LGSN: variants seen among roughly 807,000 people sequenced by gnomAD.
LGSN encodes the protein lengsin, lens protein with glutamine synthetase domain, also known as lengsin.
In LGSN, 21 loss-of-function variants were observed where a neutral mutation model predicts 19.5. The observed-to-expected ratio is 1.07, with a 90% confidence interval of 0.76 to 1.55. The LOEUF (loss-of-function observed/expected upper bound fraction) is 1.55, where lower values mean the gene tolerates loss of function less well. LGSN is among the 40% of genes most tolerant of loss of function. The probability of loss-of-function intolerance (pLI) is 0.00; values close to 1 mark genes in which losing one functional copy is unlikely to be tolerated. For synonymous variants in LGSN, 257 were observed against 215.6 expected, an observed-to-expected ratio of 1.19 and a Z score of -1.68; for missense variants, 673 against 608.5, an observed-to-expected ratio of 1.11 and a Z score of -1.12.
At chr6:63,501,643 C>G in the LGSN span, among the ~76,000 whole-genome samples, 1 of 151,664 alleles carries the variant, frequency 6.6e-6, no homozygotes, top group Non-Finnish European at 1.5e-5. Flanking sequence ...CCATTATTTG[C>G]AGCTAAAAGC....
the LGSN span, among the ~76,000 whole-genome samples, chr6:63,434,604 CA>C: frequency 0.17 from 11,015 of 63,004 alleles, 782 homozygotes; most frequent in African/African-American, 0.34. Flanking sequence ...ACTAAAAATT[CA>C]AAAAAAAAAA....
the LGSN span, among the ~76,000 whole-genome samples, chr6:63,482,949 C>G: frequency 3.0e-4 from 46 of 152,296 alleles, no homozygotes; most frequent in African/African-American, 1.1e-3. Context: ...GATCTGCCCA[C>G]GTTGGCCTCC....
At chr6:63,326,539 C>T in the LGSN span, among the ~76,000 whole-genome samples, 1 of 152,286 alleles carries the variant, frequency 6.6e-6, no homozygotes, top group South Asian at 2.1e-4. Flanking sequence ...CACAGGAGCC[C>T]ACGGAGGAGG....
At chr6:63,419,880 CAAAAA>C in the LGSN span, among the ~76,000 whole-genome samples, 33 of 57,316 alleles carry the variant, frequency 5.8e-4, no homozygotes, top group Non-Finnish European at 7.3e-4. Context: ...AACTCCCTCC[CAAAAA>C]AAAAAAAAAA....
the LGSN span, among the ~76,000 whole-genome samples, chr6:63,376,191 C>A: frequency 1.3e-5 from 2 of 152,140 alleles, no homozygotes; most frequent in African/African-American, 4.8e-5. Flanking sequence ...TTTTGTCTCT[C>A]TAACCATTCC....
Position 63,295,002 on chromosome 6 carries a change from A to C in LGSN, c.74T>G (p.Met25Arg), listed in dbSNP as rs778693440. Residue 25 changes from methionine (M) to arginine (R), a missense_variant, in exon 2 of 4, where the codon ATG becomes AGG. Physicochemically the swap from Met to Arg is moderately conservative, Grantham distance 91. Transcript: ENST00000370657. Reference protein sequence around the residue: ...DEGNETEANSMNTLRRTRKKV... With the variant: ...DEGNETEANSRNTLRRTRKKV... ...CTTCCTTGTCCTTCTTAATGTGTTC[A>C]TGCTGTTGGCTTCAGTCTCATTGCC... The C allele has an allele frequency of 9.9e-6, 16 of 1,613,556 alleles. No individual in the cohort carries two copies. In the Admixed American group the frequency reaches 2.7e-4, roughly 27 times the overall value.
chr6:63,550,705 G>A, the LGSN span, among the ~76,000 whole-genome samples: 1 of 149,926 alleles, frequency 6.7e-6, no homozygotes, highest in Non-Finnish European at 1.5e-5. Context: ...GCTCACTGCA[G>A]GCTTCACCTC....
chr6:63,478,071 A>G, the LGSN span, among the ~76,000 whole-genome samples: 1 of 152,102 alleles, frequency 6.6e-6, no homozygotes, highest in Non-Finnish European at 1.5e-5. Flanking sequence ...AAGGGAAAAA[A>G]CAAAATAAAA....
the LGSN span, among the ~76,000 whole-genome samples, chr6:63,393,185 C>T: frequency 3.6e-5 from 5 of 138,592 alleles, no homozygotes; most frequent in East Asian, 1.1e-3. Context: ...CGCGCCCAGC[C>T]AAGATGGAGT....
chr6:63,333,947 A>G, the LGSN span, among the ~76,000 whole-genome samples: 1 of 152,222 alleles, frequency 6.6e-6, no homozygotes, highest in African/African-American at 2.4e-5. Context: ...AAAGCTCTCA[A>G]AAAACTTGGT....
the LGSN span, chr6:63,441,314 G>A: frequency 2.1e-6 from 1 of 469,220 alleles, no homozygotes; most frequent in Non-Finnish European, 4.3e-6. Flanking sequence ...CAGCAGACTT[G>A]GGCCGTTTGG....
At chr6:63,446,746 T>C in the LGSN span, among the ~76,000 whole-genome samples, 1 of 152,082 alleles carries the variant, frequency 6.6e-6, no homozygotes, top group Admixed American at 6.6e-5. Context: ...AAAAATACAG[T>C]ATAGTTGAAA....
chr6:63,503,221 C>T, the LGSN span, among the ~76,000 whole-genome samples: 1 of 152,122 alleles, frequency 6.6e-6, no homozygotes. Flanking sequence ...CTATAAAGTC[C>T]ATTTTTCTTT....
the LGSN span, among the ~76,000 whole-genome samples, chr6:63,469,096 A>G: frequency 5.3e-5 from 8 of 152,126 alleles, no homozygotes; most frequent in African/African-American, 1.9e-4. Context: ...CATATTTTAT[A>G]CATGTTATAT....
At chr6:63,413,845 TAA>T in the LGSN span, among the ~76,000 whole-genome samples, 1 of 152,334 alleles carries the variant, frequency 6.6e-6, no homozygotes, top group East Asian at 1.9e-4. Context: ...GATTATCCTT[TAA>T]AGTTAGTAAT....
chr6:63,468,785 A>G, the LGSN span, among the ~76,000 whole-genome samples: 25 of 149,384 alleles, frequency 1.7e-4, no homozygotes, highest in South Asian at 5.3e-3. Flanking sequence ...GTCTCGCTCT[A>G]TTGTCCAGGC....
At chr6:63,502,167 AG>A in the LGSN span, among the ~76,000 whole-genome samples, 1 of 152,210 alleles carries the variant, frequency 6.6e-6, no homozygotes, top group African/African-American at 2.4e-5. Flanking sequence ...CATCAGATTC[AG>A]AGGGAGCCTT....
chr6:63,332,821 G>C, the LGSN span, among the ~76,000 whole-genome samples: 1 of 152,094 alleles, frequency 6.6e-6, no homozygotes, highest in Non-Finnish European at 1.5e-5. Context: ...ACCACATGGC[G>C]GTAGGCGAAA....
At chr6:63,447,892 A>G in the LGSN span, among the ~76,000 whole-genome samples, 2 of 152,204 alleles carry the variant, frequency 1.3e-5, no homozygotes, top group Non-Finnish European at 1.5e-5. Context: ...GCACTTCTCC[A>G]TAACTCAAAG....
Sources: gnomAD v4.1 joint callset for allele counts (sites outside exome capture counted in the v4.1 genomes callset) on GRCh38, gnomAD v4.1.1 for gene constraint, MANE v1.5 for transcripts, NCBI Gene and HGNC (gene_info 2026-07-23, HGNC 2026-07-21) for gene names.